Variants in GJB7 observed in about 807,000 individuals in gnomAD.
GJB7 encodes gap junction protein beta 7.
For synonymous variants in GJB7, 87 were observed against 95.2 expected, an observed-to-expected ratio of 0.91 and a Z score of 0.50; for missense variants, 253 against 256.8, an observed-to-expected ratio of 0.99 and a Z score of 0.10.
intron 2 of GJB7, among the ~76,000 whole-genome samples, chr6:87,293,781 TA>T (rs1261807187): frequency 1.3e-5 from 2 of 152,228 alleles, no homozygotes; most frequent in African/African-American, 4.8e-5. Flanking sequence ...ATGTCAGCAC[TA>T]ACCCAAACAA....
intron 2 of GJB7, among the ~76,000 whole-genome samples, chr6:87,290,722 T>C (rs1776155752): frequency 6.6e-6 from 1 of 152,202 alleles, no homozygotes; most frequent in Non-Finnish European, 1.5e-5. Flanking sequence ...CCACCACCTG[T>C]TTTGTAAATA....
chr6:87,327,285 T>TA (rs1474295542), intron 1 of GJB7, among the ~76,000 whole-genome samples: 2 of 150,186 alleles, frequency 1.3e-5, no homozygotes, highest in Non-Finnish European at 3.0e-5. Flanking sequence ...GTAATATTGT[T>TA]ATGTGTGAAT....
chr6:87,295,533 G>A (rs1328942982), intron 2 of GJB7, among the ~76,000 whole-genome samples: 3 of 152,182 alleles, frequency 2.0e-5, no homozygotes, highest in Non-Finnish European at 4.4e-5. Context: ...GGAAAGAATG[G>A]AGGGGAAATA....
chr6:87,328,288 C>A (rs1472840330), intron 1 of GJB7, among the ~76,000 whole-genome samples: 1 of 151,696 alleles, frequency 6.6e-6, no homozygotes, highest in African/African-American at 2.4e-5. Context: ...TGTTCCGTTG[C>A]TCGTGAGGAA....
chr6:87,328,740 C>T (rs1776908079), intron 1 of GJB7, among the ~76,000 whole-genome samples: 1 of 152,208 alleles, frequency 6.6e-6, no homozygotes, highest in African/African-American at 2.4e-5. Flanking sequence ...GTGGAGCCTA[C>T]AGAGGCAGGC....
At chr6:87,293,281 G>A (rs899586967) in intron 2 of GJB7, among the ~76,000 whole-genome samples, 2 of 152,044 alleles carry the variant, frequency 1.3e-5, no homozygotes, top group Admixed American at 1.3e-4. Flanking sequence ...TGCCCGCCTC[G>A]GCCTCCCAAA....
intron 2 of GJB7, among the ~76,000 whole-genome samples, chr6:87,288,453 C>G (rs765408215): frequency 3.3e-5 from 5 of 152,158 alleles, no homozygotes; most frequent in Non-Finnish European, 5.9e-5. Flanking sequence ...CCTTTTAAAT[C>G]TTTCTTGCCT....
intron 2 of GJB7, among the ~76,000 whole-genome samples, chr6:87,314,702 A>G (rs1177576395): frequency 6.6e-6 from 1 of 152,170 alleles, no homozygotes; most frequent in Non-Finnish European, 1.5e-5. Flanking sequence ...TCACTTCACC[A>G]TGGCACCCCA....
chr6:87,304,852 T>C (rs1475890608), intron 2 of GJB7, among the ~76,000 whole-genome samples: 1 of 152,072 alleles, frequency 6.6e-6, no homozygotes, highest in Non-Finnish European at 1.5e-5. Flanking sequence ...TCATCCCTGG[T>C]TTGCAAGGCT....
intron 2 of GJB7, among the ~76,000 whole-genome samples, chr6:87,312,842 A>T (rs1469070405): frequency 6.6e-6 from 1 of 152,118 alleles, no homozygotes; most frequent in Non-Finnish European, 1.5e-5. Context: ...GTAATATATG[A>T]TGTTTATGAG....
Position 87,299,370 on chromosome 6 carries a change from G to C in GJB7, c.-27-14431C>G, listed in dbSNP as rs1187672488. The C allele has an allele frequency of 8.1e-6, 4 of 491,046 alleles. No homozygotes were observed. The East Asian group carries it at 2.2e-4, about 27-fold the overall frequency. 30.4% of individuals were successfully genotyped at this position (491,046 alleles called of 1,614,324 possible). On this transcript the variant is annotated intron_variant, in intron 2 of 2. Transcript: ENST00000525899. Reference sequence around the variant, plus strand: ...TCACAGTAAAGGATGGAAAAACACTGAATGATGAATTAGAAATTATTAAAG... The same window carrying C: ...TCACAGTAAAGGATGGAAAAACACTCAATGATGAATTAGAAATTATTAAAG...
intron 2 of GJB7, among the ~76,000 whole-genome samples, chr6:87,316,067 CATCCCTTT>C (rs1776580565): frequency 2.6e-5 from 4 of 152,200 alleles, no homozygotes; most frequent in Admixed American, 2.6e-4. Flanking sequence ...TCCTGATCAC[CATCCCTTT>C]AGGGGATCAG....
chr6:87,299,267 C>A, intron 2 of GJB7: 1 of 472,382 alleles, frequency 2.1e-6, no homozygotes. Context: ...GCTCAGGTTG[C>A]TACGATTTCT....
chr6:87,309,352 G>C (rs1392879204), intron 2 of GJB7, among the ~76,000 whole-genome samples: 1 of 152,226 alleles, frequency 6.6e-6, no homozygotes, highest in Non-Finnish European at 1.5e-5. Flanking sequence ...TGGATTTCCA[G>C]CTTGTGCTTT....
chr6:87,324,241 G>A (rs577106091), intron 1 of GJB7, among the ~76,000 whole-genome samples: 195 of 152,248 alleles, frequency 1.3e-3, no homozygotes, highest in Non-Finnish European at 2.1e-3. Context: ...TCACTCTGAT[G>A]GTAGTTTCTT....
At chr6:87,302,432 T>C (rs1776346648) in intron 2 of GJB7, among the ~76,000 whole-genome samples, 2 of 152,142 alleles carry the variant, frequency 1.3e-5, no homozygotes, top group South Asian at 2.1e-4. Flanking sequence ...GTATCAGTGA[T>C]TGAAGATCAA....
chr6:87,317,590 C>T (rs1776601640), intron 2 of GJB7, among the ~76,000 whole-genome samples: 1 of 152,050 alleles, frequency 6.6e-6, no homozygotes, highest in African/African-American at 2.4e-5. Flanking sequence ...CCACCATGCC[C>T]AGTTAATTTT....
chr6:87,316,662 T>G (rs1776588650), intron 2 of GJB7, among the ~76,000 whole-genome samples: 1 of 152,206 alleles, frequency 6.6e-6, no homozygotes, highest in Non-Finnish European at 1.5e-5. Context: ...TTCAAAACAC[T>G]CCACTTTTGA....
chr6:87,303,976 A>G (rs1046462655), intron 2 of GJB7, among the ~76,000 whole-genome samples: 34 of 152,232 alleles, frequency 2.2e-4, no homozygotes, highest in Admixed American at 6.5e-5. Context: ...TTTGAAACCC[A>G]TAAGAACAAA....
Sources: allele counts gnomAD v4.1 joint callset (sites outside exome capture counted in the v4.1 genomes callset), GRCh38; gene constraint gnomAD v4.1.1; transcripts MANE v1.5; gene names NCBI Gene and HGNC (gene_info 2026-07-23, HGNC 2026-07-21).